DLG2: variants seen among roughly 807,000 people sequenced by gnomAD.
DLG2 encodes disks large homolog 2.
Under a neutral mutation model 132.5 loss-of-function variants are expected in DLG2, and 45 were observed. That is an observed-to-expected ratio of 0.34 (90% CI 0.27 to 0.44). The LOEUF is 0.44. DLG2 is among the 20% of genes least tolerant of loss of function. DLG2 has a pLI of 1.00. For missense variants in DLG2, 1,045 were observed against 1,196.9 expected (o/e 0.87, Z 1.87); for synonymous variants, 424 against 419.6 (o/e 1.01, Z -0.13).
intron 7 of DLG2, chr11:84,317,304 G>C (rs1457437761): frequency 2.2e-5 from 32 of 1,441,346 alleles, no homozygotes; most frequent in Non-Finnish European, 2.7e-5. Flanking sequence ...GGGAGCAGTG[G>C]GAGCAGCGAC....
At chr11:84,966,172 G>GATCT (rs563229049) in intron 6 of DLG2, among the ~76,000 whole-genome samples, 2 of 151,874 alleles carry the variant, frequency 1.3e-5, no homozygotes, top group Admixed American at 6.6e-5. Context: ...AATGGTAGTA[G>GATCT]ATCTATCTAT....
intron 10 of DLG2, among the ~76,000 whole-genome samples, chr11:84,081,261 T>C (rs946398125): frequency 6.6e-6 from 1 of 152,064 alleles, no homozygotes; most frequent in Non-Finnish European, 1.5e-5. Context: ...ACAGGCCAAT[T>C]CTAGGTCACT....
At chr11:84,029,411 CTT>C (rs2095630175) in intron 11 of DLG2, among the ~76,000 whole-genome samples, 1 of 151,930 alleles carries the variant, frequency 6.6e-6, no homozygotes. Flanking sequence ...AATTCACACT[CTT>C]TGCAGAAATG....
In DLG2 at chr11:84,272,724, T is replaced by G. The variant is rs117961685; in HGVS notation, c.520-21433A>C. On this transcript the variant is annotated intron_variant, in intron 7 of 27. Coordinates refer to ENST00000376104, the MANE Select transcript of DLG2 (RefSeq NM_001142699.3). ...GATAACTTTTTTGGTGGGTTTTACT[T>G]GGAGTAAAGAATAGCAATTTTGGTT... Among the ~76,000 whole-genome samples, 43 of 152,306 alleles carry G rather than the reference T, an allele frequency of 2.8e-4. 1 individual carries two copies. In the East Asian group the frequency reaches 8.3e-3, roughly 29 times the overall value.
At chr11:83,652,018 G>C in intron 18 of DLG2, 1 of 323,666 alleles carries the variant, frequency 3.1e-6, no homozygotes, top group East Asian at 7.8e-5. Context: ...CCCTGTTAGA[G>C]AATTGAATTC....
intron 3 of DLG2, among the ~76,000 whole-genome samples, chr11:85,384,245 A>G (rs2086139015): frequency 1.3e-5 from 2 of 152,176 alleles, no homozygotes; most frequent in African/African-American, 4.8e-5. Flanking sequence ...ATTTGAGAGG[A>G]CAAAATTACT....
chr11:84,570,301 T>A (rs146139548), intron 6 of DLG2, among the ~76,000 whole-genome samples: 44 of 152,266 alleles, frequency 2.9e-4, no homozygotes, highest in African/African-American at 1.1e-3. Context: ...AAGAATCAGT[T>A]CAGGTGTAAT....
chr11:84,667,006 C>T (rs2099700397), intron 6 of DLG2, among the ~76,000 whole-genome samples: 1 of 151,930 alleles, frequency 6.6e-6, no homozygotes, highest in African/African-American at 2.4e-5. Context: ...CCAGTTTTGC[C>T]TGAATTTTGT....
At chr11:83,706,563 C>A (rs1213877194) in intron 18 of DLG2, among the ~76,000 whole-genome samples, 1 of 152,146 alleles carries the variant, frequency 6.6e-6, no homozygotes, top group Non-Finnish European at 1.5e-5. Context: ...TGTGATAGTT[C>A]ATTTTGAGCA....
At chr11:84,449,914 T>G (rs1267832924) in intron 7 of DLG2, among the ~76,000 whole-genome samples, 4 of 151,932 alleles carry the variant, frequency 2.6e-5, no homozygotes, top group Non-Finnish European at 5.9e-5. Flanking sequence ...TGATGGTTGA[T>G]ACTGAAGTTA....
chr11:83,858,002 G>A (rs189338211), intron 16 of DLG2, among the ~76,000 whole-genome samples: 6 of 152,272 alleles, frequency 3.9e-5, no homozygotes, highest in Non-Finnish European at 7.4e-5. Flanking sequence ...ATCTCAGTGC[G>A]AACAAGTTGA....
intron 11 of DLG2, among the ~76,000 whole-genome samples, chr11:83,986,762 T>C (rs1404166352): frequency 6.6e-6 from 1 of 152,208 alleles, no homozygotes; most frequent in Admixed American, 6.6e-5. Flanking sequence ...CTAACTGGTG[T>C]GAGATGGTAT....
intron 6 of DLG2, among the ~76,000 whole-genome samples, chr11:84,712,679 A>G (rs1026950092): frequency 1.3e-5 from 2 of 152,106 alleles, no homozygotes; most frequent in African/African-American, 2.4e-5. Flanking sequence ...AAAAAAATCC[A>G]CTTATTTTAT....
intron 7 of DLG2, among the ~76,000 whole-genome samples, chr11:84,289,776 A>G (rs1309451891): frequency 1.3e-5 from 2 of 152,162 alleles, no homozygotes; most frequent in East Asian, 1.9e-4. Context: ...ACTAAATGCA[A>G]ACTGCAAGAT....
chr11:85,151,781 T>C (rs1400391379), intron 5 of DLG2, among the ~76,000 whole-genome samples: 1 of 152,230 alleles, frequency 6.6e-6, no homozygotes, highest in East Asian at 1.9e-4. Context: ...CCATCTTGAT[T>C]ACTGTTGCTT....
chr11:85,169,385 T>G (rs1011608933), intron 4 of DLG2, among the ~76,000 whole-genome samples: 17 of 152,070 alleles, frequency 1.1e-4, no homozygotes, highest in African/African-American at 3.9e-4. Flanking sequence ...ACTGATAACA[T>G]GAAAAACGGT....
intron 6 of DLG2, among the ~76,000 whole-genome samples, chr11:85,036,014 T>C (rs1423721247): frequency 1.3e-5 from 2 of 152,230 alleles, no homozygotes; most frequent in Admixed American, 6.5e-5. Flanking sequence ...GCATAGAGCA[T>C]GGGTTTAAAT....
intron 19 of DLG2, among the ~76,000 whole-genome samples, chr11:83,592,483 A>G: frequency 6.6e-6 from 1 of 151,890 alleles, no homozygotes; most frequent in Admixed American, 6.6e-5. Flanking sequence ...ACCTTACACA[A>G]AAATCAATTC....
chr11:85,421,141 G>A (rs191242478), intron 3 of DLG2, among the ~76,000 whole-genome samples: 5 of 152,116 alleles, frequency 3.3e-5, no homozygotes, highest in Admixed American at 6.5e-5. Context: ...TGAAGACCAC[G>A]GGAAAAGCAT....
Sources: gnomAD v4.1 joint callset for allele counts (sites outside exome capture counted in the v4.1 genomes callset) on GRCh38, gnomAD v4.1.1 for gene constraint, MANE v1.5 for transcripts, NCBI Gene and HGNC (gene_info 2026-07-23, HGNC 2026-07-21) for gene names.